VAMP7: variants seen among roughly 807,000 people sequenced by gnomAD.
VAMP7 encodes vesicle-associated membrane protein 7.
VAMP7 carries 14 observed loss-of-function variants against 29.6 expected under a neutral mutation model. The observed-to-expected ratio is 0.47, with a 90% CI of 0.31 to 0.74. The LOEUF is 0.74. Ranked by LOEUF, VAMP7 falls within the 30% of genes least tolerant of loss-of-function variation. The pLI is 0.05. For synonymous variants in VAMP7, 95 were observed against 88.1 expected (o/e 1.08, Z -0.44); for missense variants, 223 against 262.4 (o/e 0.85, Z 1.04).
chrX:155,894,314 T>G (rs371884735), intron 2 of VAMP7, among the ~76,000 whole-genome samples: 9 of 147,996 alleles, frequency 6.1e-5, no homozygotes, highest in East Asian at 3.9e-4. Context: ...TTTTTTTTTT[T>G]TTTTTTTTTA....
At chrX:155,899,729 G>A (rs2066035635) in intron 4 of VAMP7, among the ~76,000 whole-genome samples, 1 of 151,856 alleles carries the variant, frequency 6.6e-6, no homozygotes, top group Non-Finnish European at 1.5e-5. Context: ...AAAAGTAAAG[G>A]GTCAGCTAGA....
chrX:155,885,883 C>T (rs2065859142), intron 1 of VAMP7, among the ~76,000 whole-genome samples: 1 of 152,148 alleles, frequency 6.6e-6, no homozygotes, highest in South Asian at 2.1e-4. Context: ...ACCCTCAGAA[C>T]TGGTAGGCGA....
Position 155,942,154 on chromosome X carries a change from C to T in VAMP7, c.*203C>T. ...TATTCCTGTGAACTTCAGATTGAAC[C>T]ATTCATTGCAGCAGTAGCCTTAAAA... On this transcript the variant is annotated 3_prime_UTR_variant, in exon 8 of 8. Transcript: ENST00000286448. 1.3e-6 allele frequency: 2 copies of T among 1,550,076 alleles called. No individual in the cohort carries two copies. Among genetic ancestry groups the T allele is most frequent in the Non-Finnish European group, 1.7e-6 (2 of 1,145,860 alleles).
chrX:155,927,191 AG>A (rs1165762051), intron 6 of VAMP7, among the ~76,000 whole-genome samples: 1 of 151,906 alleles, frequency 6.6e-6, no homozygotes, highest in East Asian at 1.9e-4. Flanking sequence ...GGACACAGTG[AG>A]GGGAACATCA....
At chrX:155,895,503 G>A (rs2065975407) in intron 2 of VAMP7, 120 bp from the exon 3 acceptor site, 2 of 659,428 alleles carry the variant, frequency 3.0e-6, no homozygotes, top group Non-Finnish European at 5.5e-6. Flanking sequence ...AGAAGAGACT[G>A]TATCCGTAAG....
rs1261023903 is a variant in VAMP7, at chrX:155,891,176, G to A, written c.146+1564G>A. Among the ~76,000 whole-genome samples the A allele has an allele frequency of 9.2e-5, 14 of 152,154 alleles. No individual in the cohort carries two copies. In the South Asian group the frequency reaches 1.9e-3, roughly 20 times the overall value. ...TGTAGCTAGCATAGCTAGAAGGGAGGCCAGGAATTGTCATCTCTGGCTATG... is the reference window on the plus strand; with the variant it reads ...TGTAGCTAGCATAGCTAGAAGGGAGACCAGGAATTGTCATCTCTGGCTATG... On this transcript the variant is annotated intron_variant, in intron 2 of 7. Coordinates refer to ENST00000286448, the MANE Select transcript of VAMP7 (RefSeq NM_005638.6).
At chrX:155,896,235 T>G (rs892499988) in intron 3 of VAMP7, among the ~76,000 whole-genome samples, 2 of 152,216 alleles carry the variant, frequency 1.3e-5, no homozygotes, top group African/African-American at 4.8e-5. Context: ...GAGTTTTAGC[T>G]TAGCCTCTTG....
intron 1 of VAMP7, among the ~76,000 whole-genome samples, chrX:155,888,342 C>A (rs942729871): frequency 4.6e-5 from 7 of 152,174 alleles, no homozygotes; most frequent in African/African-American, 1.7e-4. Context: ...CAGGGCCCTA[C>A]CTCAGGCCTA....
intron 5 of VAMP7, among the ~76,000 whole-genome samples, chrX:155,902,852 C>A (rs1038608775): frequency 6.6e-6 from 1 of 150,656 alleles, no homozygotes. Context: ...TGTCTCTGCC[C>A]GGCTTTGGTA....
In VAMP7 at chrX:155,941,875, C is replaced by T. The variant is rs1427665566; in HGVS notation, c.595-8C>T. ...AAGAAAATAAAATTGCTCTCCTCGTCCCTCCAGGTGTTCATCTATATCATT... is the reference window on the plus strand; with the variant it reads ...AAGAAAATAAAATTGCTCTCCTCGTTCCTCCAGGTGTTCATCTATATCATT... On this transcript the variant is annotated splice_polypyrimidine_tract_variant and splice_region_variant and intron_variant, in intron 7 of 7. Transcript: ENST00000286448. 6.2e-7 allele frequency: 1 copy of T among 1,612,836 alleles called. No homozygotes were observed. Among genetic ancestry groups the T allele is most frequent in the East Asian group, 2.2e-5 (1 of 44,834 alleles).
chrX:155,892,047 G>C (rs1281090326), intron 2 of VAMP7, among the ~76,000 whole-genome samples: 1 of 151,552 alleles, frequency 6.6e-6, no homozygotes, highest in African/African-American at 2.4e-5. Flanking sequence ...CATGTATTAT[G>C]AGCCAGAATT....
At chrX:155,922,532 T>C (rs1159033707) in intron 6 of VAMP7, among the ~76,000 whole-genome samples, 1 of 152,090 alleles carries the variant, frequency 6.6e-6, no homozygotes, top group Non-Finnish European at 1.5e-5. Context: ...GATTTTTCAG[T>C]GTTAAACCAA....
intron 6 of VAMP7, among the ~76,000 whole-genome samples, chrX:155,920,351 A>G (rs1276293389): frequency 6.6e-6 from 1 of 152,200 alleles, no homozygotes; most frequent in African/African-American, 2.4e-5. Flanking sequence ...GCCTTAAAGG[A>G]GACAATGTGT....
At chrX:155,906,249 C>T (rs2066145036) in intron 5 of VAMP7, among the ~76,000 whole-genome samples, 2 of 152,238 alleles carry the variant, frequency 1.3e-5, no homozygotes, top group South Asian at 4.2e-4. Flanking sequence ...AGTTCCTTGT[C>T]CCCTATATTT....
intron 2 of VAMP7, among the ~76,000 whole-genome samples, chrX:155,891,883 G>A (rs1383202548): frequency 6.6e-6 from 1 of 152,150 alleles, no homozygotes; most frequent in Non-Finnish European, 1.5e-5. Context: ...AATAATCTTA[G>A]CTTCTTATGA....
chrX:155,930,390 A>G (rs1400084677), intron 6 of VAMP7, among the ~76,000 whole-genome samples: 2 of 152,018 alleles, frequency 1.3e-5, no homozygotes, highest in Non-Finnish European at 2.9e-5. Context: ...TAATCCTAAT[A>G]CTTATACTTT....
intron 5 of VAMP7, among the ~76,000 whole-genome samples, chrX:155,911,612 C>T (rs1466587842): frequency 3.3e-5 from 5 of 151,874 alleles, no homozygotes. Flanking sequence ...ATCTTTGTGT[C>T]ATCTTCAGTT....
intron 5 of VAMP7, among the ~76,000 whole-genome samples, chrX:155,901,224 C>T (rs5983677): frequency 0.03 from 4,615 of 152,106 alleles, 252 homozygotes; most frequent in African/African-American, 0.11. Context: ...AATCAAAATG[C>T]GCAAACGTTT....
chrX:155,896,114 A>G (rs1034547521), intron 3 of VAMP7, among the ~76,000 whole-genome samples: 1 of 152,198 alleles, frequency 6.6e-6, no homozygotes, highest in African/African-American at 2.4e-5. Flanking sequence ...GGCAAACGTG[A>G]TGCGAACTTT....
Sources: gnomAD v4.1 joint callset for allele counts (sites outside exome capture counted in the v4.1 genomes callset) on GRCh38, gnomAD v4.1.1 for gene constraint, MANE v1.5 for transcripts, NCBI Gene and HGNC (gene_info 2026-07-23, HGNC 2026-07-21) for gene names.